The following SEPTIN11 variants were observed in gnomAD, a reference collection of about 807,000 sequenced individuals.
SEPTIN11 encodes the protein septin 11.
A neutral mutation model predicts 51.4 loss-of-function variants in SEPTIN11; 25 were observed. That is an observed-to-expected ratio of 0.49 (90% confidence interval 0.35 to 0.68). The LOEUF is 0.68. Among genes scored for constraint, SEPTIN11 ranks in the 30% least tolerant of loss-of-function variants. The pLI, the probability that SEPTIN11 is intolerant of heterozygous loss-of-function variation, is 0.00. For missense variants in SEPTIN11, 381 were observed against 520.8 expected, an observed-to-expected ratio of 0.73 and a Z score of 2.61; for synonymous variants, 174 against 184.1, an observed-to-expected ratio of 0.95 and a Z score of 0.44.
At chr4:77,005,510 A>G (rs1724416292) in intron 2 of SEPTIN11, 91 bp from the exon 3 acceptor site, 2 of 1,189,904 alleles carry the variant, frequency 1.7e-6, no homozygotes, top group Non-Finnish European at 2.4e-6. Flanking sequence ...TTTAAACTTT[A>G]TAATCATGAC....
At position 77,036,719 on chromosome 4, in the gene SEPTIN11, G is replaced by C; in HGVS notation, c.*2207G>C. ...ACTGCTCCCTAGCCCTGTTTAGTTT[G>C]TTATTGCTGCTTTTCTTTTTTCTTT... On this transcript the variant is annotated 3_prime_UTR_variant, in exon 10 of 10. Coordinates refer to ENST00000264893, the MANE Select transcript of SEPTIN11 (RefSeq NM_018243.4). The C allele has an allele frequency of 1.6e-5, 25 of 1,535,214 alleles. No individual in the cohort carries two copies. Among genetic ancestry groups the C allele is most frequent in the Non-Finnish European group, 2.1e-5 (24 of 1,146,582 alleles).
At chr4:77,020,395 C>G (rs117003544) in intron 6 of SEPTIN11, 107 bp from the exon 7 acceptor site, 2 of 1,359,594 alleles carry the variant, frequency 1.5e-6, no homozygotes, top group Non-Finnish European at 2.0e-6. Context: ...TCTTGAGACC[C>G]CAGAGATTTC....
At chr4:77,001,406 G>A (rs1017490536) in intron 2 of SEPTIN11, among the ~76,000 whole-genome samples, 3 of 151,438 alleles carry the variant, frequency 2.0e-5, no homozygotes, top group African/African-American at 4.9e-5. Context: ...CTGGAGTGCA[G>A]TGGTTCAATC....
chr4:76,990,294 C>G (rs142424418), intron 1 of SEPTIN11, among the ~76,000 whole-genome samples: 14,234 of 152,076 alleles, frequency 0.094, 894 homozygotes, highest in East Asian at 0.24. Flanking sequence ...TTTTATAATC[C>G]TCTTGCTAGC....
chr4:76,973,616 C>T (rs936176481), intron 1 of SEPTIN11, among the ~76,000 whole-genome samples: 1 of 152,198 alleles, frequency 6.6e-6, no homozygotes, highest in East Asian at 1.9e-4. Context: ...TGACACAAAT[C>T]GAGCAAACAG....
chr4:77,002,626 CTG>C (rs1186240383), intron 2 of SEPTIN11, among the ~76,000 whole-genome samples: 2 of 152,172 alleles, frequency 1.3e-5, no homozygotes, highest in Admixed American at 6.5e-5. Context: ...AGTGAGAACT[CTG>C]TTTTATTTCT....
intron 3 of SEPTIN11, among the ~76,000 whole-genome samples, chr4:77,008,812 T>G (rs1308588575): frequency 2.0e-5 from 3 of 152,224 alleles, no homozygotes; most frequent in Non-Finnish European, 4.4e-5. Context: ...CCTCCTGTCT[T>G]TCCTCTGATT....
Position 77,035,621 on chromosome 4 carries a change from C to T in SEPTIN11, c.*1109C>T. 1.0e-6 allele frequency: 1 copy of T among 985,504 alleles called. No individual in the cohort carries two copies. The highest frequency in any genetic ancestry group is 1.2e-6 in the Non-Finnish European group (1 of 829,924). 61.0% of individuals were successfully genotyped at this position (985,504 alleles called of 1,614,324 possible). On this transcript the variant is annotated 3_prime_UTR_variant, in exon 10 of 10. Coordinates refer to ENST00000264893, the MANE Select transcript of SEPTIN11 (RefSeq NM_018243.4). ...CATATCCAGCTTCCTTGCTTAGTCT[C>T]CTTTCAGTATTTGGCAATAAAAGAA...
intron 7 of SEPTIN11, among the ~76,000 whole-genome samples, chr4:77,027,296 C>A (rs1403958730): frequency 6.6e-6 from 1 of 151,994 alleles, no homozygotes; most frequent in African/African-American, 2.4e-5. Context: ...TCACCACATC[C>A]AGCTAATTTT....
chr4:77,001,722 T>C (rs753454239), intron 2 of SEPTIN11, among the ~76,000 whole-genome samples: 4 of 152,226 alleles, frequency 2.6e-5, no homozygotes, highest in African/African-American at 9.6e-5. Flanking sequence ...ACTTTAGTCA[T>C]TGACTTTTCT....
At chr4:76,975,520 A>C (rs924515441) in intron 1 of SEPTIN11, among the ~76,000 whole-genome samples, 2 of 152,226 alleles carry the variant, frequency 1.3e-5, no homozygotes, top group African/African-American at 4.8e-5. Flanking sequence ...TATGAAAAAT[A>C]CATTTTTCAA....
intron 1 of SEPTIN11, among the ~76,000 whole-genome samples, chr4:76,971,899 T>C (rs892341393): frequency 6.6e-6 from 1 of 152,238 alleles, no homozygotes; most frequent in Admixed American, 6.5e-5. Flanking sequence ...CAGCTCTGCA[T>C]TGTCTTCTTA....
In SEPTIN11 at chr4:77,037,133, G is replaced by T; in HGVS notation, c.*2621G>T. 1 of 917,906 alleles carries T rather than the reference G, an allele frequency of 1.1e-6. No homozygotes were observed. Among genetic ancestry groups the T allele is most frequent in the Non-Finnish European group, 1.3e-6 (1 of 760,646 alleles). 56.9% of individuals were successfully genotyped at this position (917,906 alleles called of 1,614,324 possible). On this transcript the variant is annotated 3_prime_UTR_variant, in exon 10 of 10. Transcript: ENST00000264893. Reference sequence around the variant, plus strand: ...TCCCAGCACTTTGAGAGGCCGAGGTGGGCAGATCACTTGAGGCCTGGAGTT... The same window carrying T: ...TCCCAGCACTTTGAGAGGCCGAGGTTGGCAGATCACTTGAGGCCTGGAGTT...
At chr4:76,967,455 A>G (rs892990509) in intron 1 of SEPTIN11, among the ~76,000 whole-genome samples, 1 of 152,178 alleles carries the variant, frequency 6.6e-6, no homozygotes, top group Non-Finnish European at 1.5e-5. Flanking sequence ...GGCAACCCAC[A>G]TTCTTCAGTT....
rs1432477670 is a variant in SEPTIN11, at chr4:76,949,893, C to T, written c.-11C>T. On this transcript the variant is annotated 5_prime_UTR_variant, in exon 1 of 10. Coordinates refer to ENST00000264893, the MANE Select transcript of SEPTIN11 (RefSeq NM_018243.4). ...CACCCGGGCGCAGCCGGAGCCGGTG[C>T]CGCAGCTGCGATGGCCGTGGCCGTG... 2.0e-6 allele frequency: 3 copies of T among 1,528,690 alleles called. No individual in the cohort carries two copies. Among genetic ancestry groups the T allele is most frequent in the Middle Eastern group, 2.2e-4 (1 of 4,492 alleles). The allele number at this position is 1,528,690 out of a possible 1,614,324, so 94.7% of individuals were successfully genotyped here.
Position 77,034,865 on chromosome 4 carries a change from C to G in SEPTIN11, c.*353C>G. The G allele has an allele frequency of 6.9e-6, 7 of 1,014,654 alleles. No homozygotes were observed. The highest frequency in any genetic ancestry group is 8.2e-6 in the Non-Finnish European group (7 of 849,392). 62.9% of individuals were successfully genotyped at this position (1,014,654 alleles called of 1,614,324 possible). The stretch of plus-strand genomic sequence containing the variant: ...ACCTGTACGTCTGACATGAAAACTT[C>G]TCACCGCCTCAGCAGCTGAACTAAA... On this transcript the variant is annotated 3_prime_UTR_variant, in exon 10 of 10. Coordinates refer to ENST00000264893, the MANE Select transcript of SEPTIN11 (RefSeq NM_018243.4).
At chr4:76,955,057 G>A (rs1721503107) in intron 1 of SEPTIN11, among the ~76,000 whole-genome samples, 1 of 151,798 alleles carries the variant, frequency 6.6e-6, no homozygotes, top group East Asian at 1.9e-4. Flanking sequence ...TTACCTACTT[G>A]TTTTTGATAA....
chr4:76,969,639 C>T (rs945169309), intron 1 of SEPTIN11, among the ~76,000 whole-genome samples: 4 of 152,084 alleles, frequency 2.6e-5, no homozygotes, highest in African/African-American at 9.7e-5. Context: ...GCAATCCAGT[C>T]GATAGGAGTA....
chr4:76,956,964 G>A (rs1041578478), intron 1 of SEPTIN11, among the ~76,000 whole-genome samples: 2 of 128,976 alleles, frequency 1.6e-5, no homozygotes, highest in African/African-American at 6.7e-5. Flanking sequence ...GTAGAATGAT[G>A]TGTGTGTGTG....
Sources: gnomAD v4.1 joint callset for allele counts (sites outside exome capture counted in the v4.1 genomes callset) on GRCh38, gnomAD v4.1.1 for gene constraint, MANE v1.5 for transcripts, NCBI Gene and HGNC (gene_info 2026-07-23, HGNC 2026-07-21) for gene names.